Variants in KCTD16 observed in about 807,000 individuals in gnomAD.
KCTD16 encodes BTB/POZ domain-containing protein KCTD16.
In KCTD16, 13 loss-of-function variants were observed where a neutral mutation model predicts 33.2. The observed-to-expected ratio is 0.39, with a 90% CI of 0.25 to 0.62. The LOEUF is 0.62. Ranked by LOEUF, KCTD16 falls within the 20% of genes least tolerant of loss-of-function variation. The pLI, the probability that KCTD16 is intolerant of heterozygous loss-of-function variation, is 0.50. For missense variants in KCTD16, 441 were observed against 525.1 expected (o/e 0.84, Z 1.57); for synonymous variants, 197 against 195.3 (o/e 1.01, Z -0.07).
At chr5:144,439,962 A>C (rs974031461) in intron 3 of KCTD16, among the ~76,000 whole-genome samples, 25 of 151,508 alleles carry the variant, frequency 1.7e-4, no homozygotes, top group Non-Finnish European at 3.1e-4. Context: ...AAAAAAAAAA[A>C]CATATTTAAA....
chr5:144,205,520 A>G (rs901974858), intron 2 of KCTD16: 4 of 398,576 alleles, frequency 1.0e-5, no homozygotes, highest in African/African-American at 8.2e-5. Flanking sequence ...CTGGCTGGGA[A>G]CATGGGAGTC....
Position 144,301,417 on chromosome 5 carries a change from G to A in KCTD16, c.832+93871G>A, listed in dbSNP as rs559355151. Among the ~76,000 whole-genome samples the A allele has an allele frequency of 7.2e-5, 11 of 152,234 alleles. No homozygotes were observed. In the South Asian group the frequency reaches 1.9e-3, roughly 26 times the overall value. ...GAAAAACTGTAGGCTATATAAGTAG[G>A]TAAGAAGAGAGATGGTGAATTCTTA... On this transcript the variant is annotated intron_variant, in intron 3 of 3. Coordinates refer to ENST00000512467, the MANE Select transcript of KCTD16 (RefSeq NM_020768.4).
chr5:144,281,272 G>A (rs1053448002), intron 3 of KCTD16, among the ~76,000 whole-genome samples: 3 of 152,066 alleles, frequency 2.0e-5, no homozygotes, highest in Admixed American at 6.5e-5. Context: ...TTGTTTCTTA[G>A]GGTAGAAACT....
chr5:144,471,257 A>G (rs919284785), intron 3 of KCTD16, among the ~76,000 whole-genome samples: 4 of 152,228 alleles, frequency 2.6e-5, no homozygotes, highest in Non-Finnish European at 5.9e-5. Flanking sequence ...TTCTGGGTCC[A>G]TTGAATGAAA....
At chr5:144,440,731 G>GT (rs1235437057) in intron 3 of KCTD16, among the ~76,000 whole-genome samples, 7 of 151,884 alleles carry the variant, frequency 4.6e-5, no homozygotes, top group Admixed American at 2.0e-4. Context: ...ATAATGTTGA[G>GT]TTTTTTTATT....
intron 3 of KCTD16, among the ~76,000 whole-genome samples, chr5:144,395,913 T>C (rs1415203928): frequency 6.6e-6 from 1 of 152,244 alleles, no homozygotes; most frequent in Non-Finnish European, 1.5e-5. Context: ...CTGCTTCCTG[T>C]TTTTGTAAGT....
intron 2 of KCTD16, among the ~76,000 whole-genome samples, chr5:144,185,756 T>A (rs1554079379): frequency 1.3e-5 from 2 of 151,172 alleles, no homozygotes; most frequent in African/African-American, 4.8e-5. Context: ...TTACTAAGAT[T>A]AAAAAAAAAC....
At chr5:144,194,875 T>C (rs1416988983) in intron 2 of KCTD16, among the ~76,000 whole-genome samples, 1 of 152,238 alleles carries the variant, frequency 6.6e-6, no homozygotes, top group Non-Finnish European at 1.5e-5. Flanking sequence ...TGTGTTTTGG[T>C]ATTTTTTGTG....
intron 3 of KCTD16, among the ~76,000 whole-genome samples, chr5:144,417,792 C>T (rs1253192027): frequency 1.3e-5 from 2 of 152,010 alleles, no homozygotes; most frequent in Non-Finnish European, 2.9e-5. Context: ...AAGTAGGGCT[C>T]CAACTTCGTT....
At chr5:144,415,041 A>G (rs567825429) in intron 3 of KCTD16, among the ~76,000 whole-genome samples, 157 of 152,248 alleles carry the variant, frequency 1.0e-3, no homozygotes, top group African/African-American at 3.7e-3. Flanking sequence ...ATAGAAATGT[A>G]TTTTCTCAGA....
At chr5:144,298,188 C>A (rs898870146) in intron 3 of KCTD16, among the ~76,000 whole-genome samples, 1 of 152,166 alleles carries the variant, frequency 6.6e-6, no homozygotes, top group Non-Finnish European at 1.5e-5. Flanking sequence ...ATTCACCACA[C>A]GGCCCAAGAT....
chr5:144,413,228 A>G (rs1051688317), intron 3 of KCTD16, among the ~76,000 whole-genome samples: 1 of 152,200 alleles, frequency 6.6e-6, no homozygotes, highest in Admixed American at 6.5e-5. Flanking sequence ...TGCCCCTACT[A>G]AGAGGAGATT....
chr5:144,424,118 C>T (rs1185828226), intron 3 of KCTD16, among the ~76,000 whole-genome samples: 2 of 152,108 alleles, frequency 1.3e-5, no homozygotes, highest in Non-Finnish European at 2.9e-5. Context: ...CTCTGAAGTC[C>T]AGGACTCTCT....
chr5:144,376,405 T>G (rs1314268169), intron 3 of KCTD16, among the ~76,000 whole-genome samples: 1 of 152,192 alleles, frequency 6.6e-6, no homozygotes, highest in Non-Finnish European at 1.5e-5. Context: ...TAGAGAGAGA[T>G]AGACTTTGCT....
intron 3 of KCTD16, among the ~76,000 whole-genome samples, chr5:144,209,387 AATTGCTGAGAG>A (rs1462220137): frequency 6.6e-6 from 1 of 152,094 alleles, no homozygotes; most frequent in Non-Finnish European, 1.5e-5. Context: ...TTCTTTGTTG[AATTGCTGAGAG>A]ATTGCTGAGG....
At chr5:144,331,619 T>G (rs566104833) in intron 3 of KCTD16, among the ~76,000 whole-genome samples, 17 of 152,160 alleles carry the variant, frequency 1.1e-4, no homozygotes, top group African/African-American at 4.1e-4. Flanking sequence ...CCCTATAGAT[T>G]TGAAGACTCT....
At chr5:144,196,112 G>A (rs1306378553) in intron 2 of KCTD16, among the ~76,000 whole-genome samples, 5 of 152,158 alleles carry the variant, frequency 3.3e-5, no homozygotes, top group African/African-American at 9.7e-5. Flanking sequence ...ATGATAATAA[G>A]AGACATGGCC....
chr5:144,181,666 T>A (rs1752628604), intron 2 of KCTD16, among the ~76,000 whole-genome samples: 1 of 152,202 alleles, frequency 6.6e-6, no homozygotes, highest in Admixed American at 6.5e-5. Context: ...CTATGTTAAG[T>A]GACATAAAGC....
chr5:144,221,230 A>C (rs1297722387), intron 3 of KCTD16, among the ~76,000 whole-genome samples: 1 of 152,200 alleles, frequency 6.6e-6, no homozygotes, highest in Non-Finnish European at 1.5e-5. Context: ...GAATGTCTTA[A>C]GGATGCGTAA....
Sources: allele counts gnomAD v4.1 joint callset (sites outside exome capture counted in the v4.1 genomes callset), GRCh38; gene constraint gnomAD v4.1.1; transcripts MANE v1.5; gene names NCBI Gene and HGNC (gene_info 2026-07-23, HGNC 2026-07-21).